Variants in ATP10B observed in about 807,000 individuals in gnomAD.
ATP10B encodes phospholipid-transporting ATPase VB.
A neutral mutation model predicts 141.2 loss-of-function variants in ATP10B; 122 were observed. The observed-to-expected ratio is 0.86, with a 90% CI of 0.75 to 1.00. ATP10B has a LOEUF of 1.00. Ranked by LOEUF, ATP10B falls within the 50% of genes least tolerant of loss-of-function variation. The probability of loss-of-function intolerance (pLI) is 0.00; values close to 1 mark genes in which losing one functional copy is unlikely to be tolerated. For synonymous variants in ATP10B, 685 were observed against 692.0 expected (o/e 0.99, Z 0.16); for missense variants, 1,876 against 1,825.3 (o/e 1.03, Z -0.51).
intron 8 of ATP10B, among the ~76,000 whole-genome samples, chr5:160,646,405 A>G (rs1760277941): frequency 6.6e-6 from 1 of 152,168 alleles, no homozygotes; most frequent in Admixed American, 6.6e-5. Flanking sequence ...TTTTGATTTC[A>G]TTGTATTAAT....
At chr5:160,797,948 GAAA>G (rs34913318) in intron 1 of ATP10B, among the ~76,000 whole-genome samples, 1,785 of 127,588 alleles carry the variant, frequency 0.014, 42 homozygotes, top group African/African-American at 0.049. Flanking sequence ...AAGAAAAAAA[GAAA>G]AAAAAAAAAA....
intron 12 of ATP10B, chr5:160,632,649 C>G (rs1404970399): frequency 4.4e-5 from 11 of 251,660 alleles, no homozygotes; most frequent in Non-Finnish European, 7.6e-5. Flanking sequence ...TTTTAGGTTT[C>G]TAACTCATAG....
At chr5:160,914,795 G>A in the ATP10B span, among the ~76,000 whole-genome samples, 152,166 of 152,296 alleles carry the variant, frequency 1, 76,018 homozygotes, top group Middle Eastern at 1. Context: ...CAATTTTAAT[G>A]CAAGTTTGTG....
At chr5:160,642,573 C>T (rs1489101483) in intron 9 of ATP10B, among the ~76,000 whole-genome samples, 3 of 152,104 alleles carry the variant, frequency 2.0e-5, no homozygotes, top group African/African-American at 7.2e-5. Context: ...AGAGATGCTG[C>T]TAAATACCCT....
At chr5:160,765,267 A>C (rs7717028) in intron 2 of ATP10B, among the ~76,000 whole-genome samples, 38,976 of 151,992 alleles carry the variant, frequency 0.26, 5,988 homozygotes, top group East Asian at 0.42. Flanking sequence ...ATAGTCAAAG[A>C]AAGAGTAAGC....
At chr5:160,838,423 T>TA (rs1775597706) in intron 1 of ATP10B, among the ~76,000 whole-genome samples, 1 of 152,190 alleles carries the variant, frequency 6.6e-6, no homozygotes, top group South Asian at 2.1e-4. Flanking sequence ...ACTTGCATCT[T>TA]GAGTGCCAAA....
chr5:160,817,729 C>T lies in ATP10B; in HGVS notation c.-575-31926G>A, dbSNP rs541729246. Among the ~76,000 whole-genome samples the T allele has an allele frequency of 7.4e-3, 1,123 of 152,280 alleles. 19 individuals carry two copies. The highest frequency in any genetic ancestry group is 0.025 in the African/African-American group (1,023 of 41,542). ...CAAAAGAACAAAGCTGGAGGCATCA[C>T]GCTACCTGACTTTAAACTATACTGC... is the stretch of plus-strand genomic sequence containing the variant. On this transcript the variant is annotated intron_variant, in intron 1 of 25. Coordinates refer to ENST00000327245, the MANE Select transcript of ATP10B (RefSeq NM_025153.3).
At chr5:160,652,980 ACAT>A (rs1760987496) in intron 7 of ATP10B, among the ~76,000 whole-genome samples, 12 of 39,148 alleles carry the variant, frequency 3.1e-4, no homozygotes, top group Non-Finnish European at 6.0e-4. Context: ...TATAATATAT[ACAT>A]ACATATTTAT....
intron 2 of ATP10B, among the ~76,000 whole-genome samples, chr5:160,733,435 C>T (rs988742280): frequency 6.6e-6 from 1 of 151,614 alleles, no homozygotes; most frequent in Non-Finnish European, 1.5e-5. Flanking sequence ...ACAAAAGATA[C>T]AAATTACAGA....
chr5:160,866,689 AC>A, the ATP10B span, among the ~76,000 whole-genome samples: 1 of 152,126 alleles, frequency 6.6e-6, no homozygotes, highest in Non-Finnish European at 1.5e-5. Context: ...ACAAAACAAA[AC>A]AAAACCAAAA....
chr5:160,926,557 A>G, the ATP10B span, among the ~76,000 whole-genome samples: 2 of 152,262 alleles, frequency 1.3e-5, no homozygotes, highest in African/African-American at 4.8e-5. Context: ...TCTTAAATCA[A>G]ACAGACAGGG....
intron 22 of ATP10B, 55 bp from the exon 23 acceptor site, chr5:160,591,194 T>C (rs1453406906): frequency 1.3e-6 from 2 of 1,489,798 alleles, no homozygotes; most frequent in Non-Finnish European, 1.8e-6. Context: ...CCTCTATTCT[T>C]TGCAAGCAAC....
At chr5:160,586,347 G>A (rs1755897125) in intron 24 of ATP10B, among the ~76,000 whole-genome samples, 1 of 152,120 alleles carries the variant, frequency 6.6e-6, no homozygotes, top group Non-Finnish European at 1.5e-5. Flanking sequence ...TATAGTGTGT[G>A]TGTGTACCAC....
the ATP10B span, among the ~76,000 whole-genome samples, chr5:160,893,084 C>T: frequency 6.6e-6 from 1 of 152,276 alleles, no homozygotes; most frequent in Non-Finnish European, 1.5e-5. Context: ...GCCTACACCA[C>T]CAGGGCCTTG....
chr5:160,908,125 A>T, the ATP10B span, among the ~76,000 whole-genome samples: 1 of 152,194 alleles, frequency 6.6e-6, no homozygotes, highest in Non-Finnish European at 1.5e-5. Context: ...CAGGGCTAGA[A>T]TTTGAAATAA....
rs75405530 is a variant in ATP10B at position 160,833,909 on chromosome 5, A to T, written c.-576+18032T>A. On this transcript the variant is annotated intron_variant, in intron 1 of 25. Coordinates refer to ENST00000327245, the MANE Select transcript of ATP10B (RefSeq NM_025153.3). ...TTAAATACTTTAGAGGGAAACCTCAACTTTATGGGAAAACTTTGTTATGAA... is the reference window on the plus strand; with the variant it reads ...TTAAATACTTTAGAGGGAAACCTCATCTTTATGGGAAAACTTTGTTATGAA... Among the ~76,000 whole-genome samples the T allele has an allele frequency of 6.0e-3, 915 of 152,302 alleles. 13 individuals are homozygous for T. Among genetic ancestry groups the T allele is most frequent in the African/African-American group, 0.021 (871 of 41,568 alleles).
intron 2 of ATP10B, among the ~76,000 whole-genome samples, chr5:160,759,324 C>T (rs997006611): frequency 4.6e-5 from 7 of 152,124 alleles, no homozygotes; most frequent in African/African-American, 7.2e-5. Context: ...TCTGGAATGA[C>T]GATTGACATT....
At chr5:160,687,757 T>C in intron 5 of ATP10B, 43 bp downstream of exon 5, 2 of 1,579,980 alleles carry the variant, frequency 1.3e-6, no homozygotes, top group Non-Finnish European at 1.7e-6. Flanking sequence ...AGAATGAGAC[T>C]CTTTCTCTAA....
chr5:160,634,276 C>CT, intron 12 of ATP10B, 78 bp downstream of exon 12: 1 of 1,597,270 alleles, frequency 6.3e-7, no homozygotes, highest in Non-Finnish European at 8.6e-7. Context: ...AGGAGAATGT[C>CT]TTTTATCTCC....
Sources: allele counts gnomAD v4.1 joint callset (sites outside exome capture counted in the v4.1 genomes callset), GRCh38; gene constraint gnomAD v4.1.1; transcripts MANE v1.5; gene names NCBI Gene and HGNC (gene_info 2026-07-23, HGNC 2026-07-21).